The following TSPEAR variants were observed in gnomAD, a reference collection of about 807,000 sequenced individuals.
TSPEAR encodes thrombospondin-type laminin G domain and EAR repeat-containing protein.
In TSPEAR, 69 loss-of-function variants were observed where a neutral mutation model predicts 71.6. That is an observed-to-expected ratio of 0.96 (90% CI 0.79 to 1.18). TSPEAR has a LOEUF of 1.18. Among genes scored for constraint, TSPEAR ranks in the 50% most tolerant of loss-of-function variants. TSPEAR has a pLI of 0.00. For synonymous variants in TSPEAR, 402 were observed against 387.2 expected (o/e 1.04, Z -0.45); for missense variants, 971 against 894.9 (o/e 1.09, Z -1.09).
intron 1 of TSPEAR, among the ~76,000 whole-genome samples, chr21:44,688,650 A>G (rs1272045569): frequency 1.3e-5 from 2 of 152,074 alleles, no homozygotes; most frequent in African/African-American, 4.8e-5. Context: ...TGGAGCTTGC[A>G]GTGAGCCGAG....
intron 1 of TSPEAR, among the ~76,000 whole-genome samples, chr21:44,621,833 T>C (rs189394719): frequency 6.6e-6 from 1 of 152,064 alleles, no homozygotes; most frequent in East Asian, 1.9e-4. Flanking sequence ...TTTGTGTGGA[T>C]TCGGTGTCTT....
At chr21:44,698,242 G>C (rs2838642) in intron 1 of TSPEAR, among the ~76,000 whole-genome samples, 37,730 of 152,124 alleles carry the variant, frequency 0.25, 5,211 homozygotes, top group Admixed American at 0.34. Context: ...GACCATGCTT[G>C]GAAGTCCTAA....
intron 11 of TSPEAR, among the ~76,000 whole-genome samples, chr21:44,504,334 A>G (rs2052140338): frequency 1.8e-5 from 2 of 111,626 alleles, no homozygotes; most frequent in African/African-American, 7.1e-5. Context: ...AGGCACTGGG[A>G]GGAAGCTGGC....
chr21:44,574,941 G>A, intron 1 of TSPEAR: 1 of 1,604,784 alleles, frequency 6.2e-7, no homozygotes, highest in South Asian at 1.1e-5. Flanking sequence ...CTGCCGCCCA[G>A]CCTCCTGCGT....
intron 1 of TSPEAR, chr21:44,677,385 T>C: frequency 7.3e-7 from 1 of 1,375,388 alleles, no homozygotes; most frequent in Non-Finnish European, 1.0e-6. Context: ...ATTGACAGCC[T>C]GGACCACAGT....
chr21:44,553,551 C>A (rs9984648), intron 2 of TSPEAR, among the ~76,000 whole-genome samples: 4,708 of 151,806 alleles, frequency 0.031, 228 homozygotes, highest in African/African-American at 0.11. Flanking sequence ...AGATAACAAA[C>A]AGAGTGTATA....
chr21:44,580,587 G>A (rs1978898473), intron 1 of TSPEAR: 1 of 1,602,638 alleles, frequency 6.2e-7, no homozygotes, highest in Non-Finnish European at 8.5e-7. Flanking sequence ...ATGCTGGGGT[G>A]GGGAAGACGT....
intron 1 of TSPEAR, among the ~76,000 whole-genome samples, chr21:44,699,644 G>A (rs1213943970): frequency 2.6e-5 from 4 of 152,112 alleles, no homozygotes; most frequent in South Asian, 2.1e-4. Context: ...GCCCTGTAAC[G>A]CCGTCTCCCT....
chr21:44,654,891 TGTCA>T (rs1985048851), intron 1 of TSPEAR, among the ~76,000 whole-genome samples: 1 of 152,142 alleles, frequency 6.6e-6, no homozygotes, highest in Non-Finnish European at 1.5e-5. Context: ...GGTGAAGGGC[TGTCA>T]GTGAGGCCAG....
chr21:44,509,738 G>A (rs2052313150), intron 9 of TSPEAR: 1 of 293,736 alleles, frequency 3.4e-6, no homozygotes, highest in South Asian at 3.7e-5. Flanking sequence ...CTCCCTGAAT[G>A]TTAGTGCCAG....
In TSPEAR at chr21:44,499,751, G is replaced by GC; in HGVS notation, c.*31dup. The GC allele has an allele frequency of 6.5e-7, 1 of 1,534,754 alleles. No homozygotes were observed. The highest frequency in any genetic ancestry group is 8.8e-7 in the Non-Finnish European group (1 of 1,141,260). The stretch of plus-strand genomic sequence containing the variant: ...AGGTGCTGGGGTCCCGCCCCACCTG[G>GC]CCACCCCAGTTGCTGCCGGGCAGCC... On this transcript the variant is annotated 3_prime_UTR_variant, in exon 12 of 12. Transcript: ENST00000323084.
chr21:44,602,497 G>A (rs1415619593), intron 1 of TSPEAR, among the ~76,000 whole-genome samples: 3 of 59,608 alleles, frequency 5.0e-5, no homozygotes, highest in Non-Finnish European at 1.6e-4. Flanking sequence ...GGGCGGGGAC[G>A]GCCATCCTGA....
intron 1 of TSPEAR, among the ~76,000 whole-genome samples, chr21:44,652,173 C>G (rs1000607181): frequency 1.3e-5 from 2 of 152,040 alleles, no homozygotes; most frequent in Non-Finnish European, 2.9e-5. Flanking sequence ...TTAGTAGAGA[C>G]GGGGTTTCAC....
chr21:44,574,782 C>A lies in TSPEAR; in HGVS notation c.83-6777G>T, dbSNP rs1978322995. On this transcript the variant is annotated intron_variant, in intron 1 of 11. Coordinates refer to ENST00000323084, the MANE Select transcript of TSPEAR (RefSeq NM_144991.3). ...TGGGGCTTCCTCTTCATGCTGCCAGCAATCTAGCTGCCAGCCAGCTTGCTG... is the reference window on the plus strand; with the variant it reads ...TGGGGCTTCCTCTTCATGCTGCCAGAAATCTAGCTGCCAGCCAGCTTGCTG... 1.9e-6 allele frequency: 3 copies of A among 1,614,022 alleles called. No homozygotes were observed. The highest frequency in any genetic ancestry group is 2.5e-6 in the Non-Finnish European group (3 of 1,180,032).
intron 1 of TSPEAR, chr21:44,574,236 T>G: frequency 6.2e-7 from 1 of 1,607,396 alleles, no homozygotes; most frequent in Non-Finnish European, 8.5e-7. Context: ...TGTGCCCATC[T>G]GCTGCAAGCC....
At chr21:44,677,000 G>A (rs1986344539) in intron 1 of TSPEAR, 1 of 908,880 alleles carries the variant, frequency 1.1e-6, no homozygotes, top group African/African-American at 1.6e-5. Flanking sequence ...CACCCAGGAA[G>A]GACTTCTGGA....
chr21:44,646,846 TC>T (rs1555940047), intron 1 of TSPEAR: 1 of 1,573,686 alleles, frequency 6.4e-7, no homozygotes, highest in African/African-American at 1.4e-5. Flanking sequence ...CTGCCGGCAG[TC>T]TAGCTGCCAG....
intron 10 of TSPEAR, chr21:44,507,945 CTCTTTT>C (rs1569150946): frequency 1.3e-5 from 2 of 152,204 alleles, no homozygotes; most frequent in Admixed American, 6.5e-5. Flanking sequence ...CCGCCGCTGG[CTCTTTT>C]TCTTTATTAT....
In TSPEAR at chr21:44,504,769, C is replaced by T. The variant is rs372820554; in HGVS notation, c.1856+11G>A. 3 of 1,604,910 alleles carry T rather than the reference C, an allele frequency of 1.9e-6. No individual in the cohort carries two copies. The highest frequency in any genetic ancestry group is 1.7e-5 in the Admixed American group (1 of 59,876). ...GGCTCTGGGAGGAGGCCGGCCTCGG[C>T]AGCTCATTACCTGTAAATAATACTG... On this transcript the variant is annotated intron_variant, in intron 11 of 11. Coordinates refer to ENST00000323084, the MANE Select transcript of TSPEAR (RefSeq NM_144991.3).
Sources: gnomAD v4.1 joint callset for allele counts (sites outside exome capture counted in the v4.1 genomes callset) on GRCh38, gnomAD v4.1.1 for gene constraint, MANE v1.5 for transcripts, NCBI Gene and HGNC (gene_info 2026-07-23, HGNC 2026-07-21) for gene names.